UBE2E2: variants seen among roughly 807,000 people sequenced by gnomAD.
The protein encoded by UBE2E2 is ubiquitin conjugating enzyme E2 E2, also known as ubiquitin-conjugating enzyme E2 E2.
Under a neutral mutation model 24.7 loss-of-function variants are expected in UBE2E2, and 6 were observed. That is an observed-to-expected ratio of 0.24 (90% CI 0.13 to 0.48). The LOEUF is 0.48. Among genes scored for constraint, UBE2E2 ranks in the 20% least tolerant of loss-of-function variants. The probability of loss-of-function intolerance (pLI) is 0.99; values close to 1 mark genes in which losing one functional copy is unlikely to be tolerated. For synonymous variants in UBE2E2, 104 were observed against 83.6 expected, an observed-to-expected ratio of 1.24 and a Z score of -1.33; for missense variants, 169 against 245.0, an observed-to-expected ratio of 0.69 and a Z score of 2.07.
At chr3:23,550,829 G>A (rs1044606907) in intron 5 of UBE2E2, among the ~76,000 whole-genome samples, 3 of 152,284 alleles carry the variant, frequency 2.0e-5, no homozygotes, top group African/African-American at 7.2e-5. Context: ...AGGAGTTTGG[G>A]AAGATCAAGA....
intron 3 of UBE2E2, among the ~76,000 whole-genome samples, chr3:23,295,762 G>A (rs556731832): frequency 8.1e-4 from 124 of 152,178 alleles, no homozygotes; most frequent in Middle Eastern, 3.4e-3. Context: ...TGCACCACTT[G>A]CACTTCTATT....
chr3:23,233,472 A>G (rs943693882), intron 3 of UBE2E2, among the ~76,000 whole-genome samples: 1 of 152,202 alleles, frequency 6.6e-6, no homozygotes, highest in Non-Finnish European at 1.5e-5. Context: ...GTTTTGTTGC[A>G]TTAATGTAAA....
chr3:23,301,187 A>C (rs1379871022), intron 3 of UBE2E2, among the ~76,000 whole-genome samples: 1 of 151,874 alleles, frequency 6.6e-6, no homozygotes, highest in African/African-American at 2.4e-5. Flanking sequence ...CCATTCGTCT[A>C]ATTTTTTTTC....
At chr3:23,539,145 A>G (rs1575693747) in intron 5 of UBE2E2, among the ~76,000 whole-genome samples, 1 of 152,300 alleles carries the variant, frequency 6.6e-6, no homozygotes, top group South Asian at 2.1e-4. Flanking sequence ...TGACTTCATG[A>G]CAAAGCAAGG....
At position 23,312,475 on chromosome 3, in the gene UBE2E2, AT is replaced by A. The variant is rs796783454; in HGVS notation, c.227+95175del. Among the ~76,000 whole-genome samples, 820 of 146,256 alleles carry A rather than the reference AT, an allele frequency of 5.6e-3. 8 individuals carry two copies. The highest frequency in any genetic ancestry group is 0.016 in the African/African-American group (660 of 40,074). ...ACCCTGATGTGCTATCAAATACTGG[AT>A]TTTTTTTTTTTAATCCGTTAACCAT... On this transcript the variant is annotated intron_variant, in intron 3 of 5. Transcript: ENST00000396703.
intron 3 of UBE2E2, among the ~76,000 whole-genome samples, chr3:23,309,368 C>A (rs915300697): frequency 3.9e-5 from 6 of 152,196 alleles, no homozygotes; most frequent in African/African-American, 1.4e-4. Flanking sequence ...AACATAGTTA[C>A]AATAGCTTAG....
At chr3:23,481,731 T>C (rs2125442583) in intron 3 of UBE2E2, among the ~76,000 whole-genome samples, 1 of 152,310 alleles carries the variant, frequency 6.6e-6, no homozygotes, top group South Asian at 2.1e-4. Flanking sequence ...CACTGTAAGA[T>C]GGGGATGGGC....
chr3:23,559,497 A>G (rs925750798), intron 5 of UBE2E2, among the ~76,000 whole-genome samples: 3 of 152,192 alleles, frequency 2.0e-5, no homozygotes, highest in Non-Finnish European at 4.4e-5. Context: ...GCTGATTTTC[A>G]TTTCCGATTT....
At chr3:23,277,716 A>G (rs1698401819) in intron 3 of UBE2E2, among the ~76,000 whole-genome samples, 1 of 152,102 alleles carries the variant, frequency 6.6e-6, no homozygotes, top group Non-Finnish European at 1.5e-5. Context: ...CTAAATGTTT[A>G]GTGAATGCTT....
At chr3:23,214,434 TG>T (rs935588848) in intron 2 of UBE2E2, among the ~76,000 whole-genome samples, 7 of 151,962 alleles carry the variant, frequency 4.6e-5, no homozygotes, top group African/African-American at 1.7e-4. Flanking sequence ...CTGAATTTTT[TG>T]TAGAGGAGTC....
chr3:23,258,033 A>T (rs1697784434), intron 3 of UBE2E2, among the ~76,000 whole-genome samples: 1 of 152,206 alleles, frequency 6.6e-6, no homozygotes, highest in African/African-American at 2.4e-5. Context: ...TACATATGTA[A>T]CTATGTGATT....
chr3:23,243,230 A>G (rs2125339680), intron 3 of UBE2E2, among the ~76,000 whole-genome samples: 1 of 152,356 alleles, frequency 6.6e-6, no homozygotes, highest in East Asian at 1.9e-4. Context: ...GTTAAGCACT[A>G]TTCACCTGCT....
rs1032140604 is a variant in UBE2E2, at chr3:23,474,498, T to C, written c.228-25110T>C. Among the ~76,000 whole-genome samples the C allele has an allele frequency of 2.0e-5, 3 of 152,102 alleles. No homozygotes were observed. Among genetic ancestry groups the C allele is most frequent in the African/African-American group, 4.8e-5 (2 of 41,358 alleles). On this transcript the variant is annotated intron_variant, in intron 3 of 5. Transcript: ENST00000396703. This position sits in a 1 kb window ranked among gnomAD's most constrained non-coding sequence, Gnocchi z 4.0. ...TTTCTAATAATCTATCACAAAAAAA[T>C]CATAGAATTATAATGTATAATTTTG...
At chr3:23,298,494 T>G (rs565050487) in intron 3 of UBE2E2, among the ~76,000 whole-genome samples, 231 of 152,362 alleles carry the variant, frequency 1.5e-3, no homozygotes, top group Admixed American at 3.3e-3. Context: ...GCTTTTAGCA[T>G]GAAGAGTTGT....
intron 3 of UBE2E2, among the ~76,000 whole-genome samples, chr3:23,396,459 CATACAT>C (rs1205255780): frequency 1.3e-5 from 2 of 151,474 alleles, no homozygotes; most frequent in Non-Finnish European, 2.9e-5. Flanking sequence ...TATACACATA[CATACAT>C]ATACATATAC....
intron 3 of UBE2E2, among the ~76,000 whole-genome samples, chr3:23,494,880 T>C (rs1187050002): frequency 6.6e-6 from 1 of 151,994 alleles, no homozygotes; most frequent in Non-Finnish European, 1.5e-5. Context: ...GATAGGAGTA[T>C]TTCAGATACT....
chr3:23,268,404 C>T (rs1210680468), intron 3 of UBE2E2, among the ~76,000 whole-genome samples: 2 of 152,120 alleles, frequency 1.3e-5, no homozygotes, highest in African/African-American at 4.8e-5. Context: ...CATTCTTATA[C>T]ACCAGTAACA....
At chr3:23,454,690 T>C (rs548667649) in intron 3 of UBE2E2, among the ~76,000 whole-genome samples, 4 of 152,340 alleles carry the variant, frequency 2.6e-5, no homozygotes, top group Admixed American at 1.3e-4. Context: ...TACGTGAATA[T>C]GCACCTAGAA....
intron 3 of UBE2E2, among the ~76,000 whole-genome samples, chr3:23,499,054 AAC>A (rs992279207): frequency 4.6e-5 from 7 of 152,208 alleles, no homozygotes; most frequent in African/African-American, 1.7e-4. Context: ...TTAGTTGCAA[AAC>A]ACAGTTATAA....
Sources: allele counts gnomAD v4.1 joint callset (sites outside exome capture counted in the v4.1 genomes callset), GRCh38; gene constraint gnomAD v4.1.1; non-coding constraint Gnocchi (gnomAD v3.1); transcripts MANE v1.5; gene names NCBI Gene and HGNC (gene_info 2026-07-23, HGNC 2026-07-21).